Variants in NTRK3 observed in about 807,000 individuals in gnomAD.
NTRK3 encodes NT-3 growth factor receptor.
NTRK3 carries 24 observed loss-of-function variants against 91.7 expected under a neutral mutation model. That is an observed-to-expected ratio of 0.26 (90% CI 0.19 to 0.37). The LOEUF is 0.37. Among genes scored for constraint, NTRK3 ranks in the 10% least tolerant of loss-of-function variants. The probability of loss-of-function intolerance (pLI) is 1.00; values close to 1 mark genes in which losing one functional copy is unlikely to be tolerated. For synonymous variants in NTRK3, 483 were observed against 404.0 expected (o/e 1.20, Z -2.34); for missense variants, 880 against 1,068.9 (o/e 0.82, Z 2.46).
chr15:87,865,323 A>G, exon 19 of NTRK3: 1 of 210,502 alleles, frequency 4.8e-6, no homozygotes, highest in Non-Finnish European at 9.7e-6. Flanking sequence ...GTGGCTTGTC[A>G]TCACAAACAC....
chr15:87,937,455 G>T (rs1358592183), intron 15 of NTRK3, among the ~76,000 whole-genome samples: 1 of 152,086 alleles, frequency 6.6e-6, no homozygotes, highest in East Asian at 1.9e-4. Context: ...CCGAGATTCT[G>T]CACTCAGATT....
rs540360542 is a variant in NTRK3 at position 88,241,783 on chromosome 15, C to G, written c.248+14123G>C. 6.6e-5 allele frequency among the ~76,000 whole-genome samples: 10 copies of G among 152,282 alleles called. No homozygotes were observed. Among genetic ancestry groups the G allele is most frequent in the South Asian group, 6.2e-4 (3 of 4,822 alleles). ...ATCCACAGCCCTCTGACTTTTCTGC[C>G]GAGAACATGGCCCCGGGAATGGACG... is the stretch of plus-strand genomic sequence containing the variant. On this transcript the variant is annotated intron_variant, in intron 3 of 18. Transcript: ENST00000394480. The surrounding 1 kb of genome is among the most constrained non-coding windows in gnomAD (Gnocchi z 4.3).
chr15:88,255,703 G>A lies in NTRK3; in HGVS notation c.248+203C>T, dbSNP rs1450563699. 6.6e-6 allele frequency among the ~76,000 whole-genome samples: 1 copy of A among 152,170 alleles called. No individual in the cohort carries two copies. The highest frequency in any genetic ancestry group is 2.4e-5 in the African/African-American group (1 of 41,446). On this transcript the variant is annotated intron_variant, in intron 3 of 18. Transcript: ENST00000394480. The surrounding 1 kb of genome is among the most constrained non-coding windows in gnomAD (Gnocchi z 4.3). Reference sequence around the variant, plus strand: ...GGAGAGGCACACACACGCATAGCCGGATCGCGCCTCGCCAGGGCCGGAGTC... The same window carrying A: ...GGAGAGGCACACACACGCATAGCCGAATCGCGCCTCGCCAGGGCCGGAGTC...
At chr15:88,041,077 CAA>C (rs2079556962) in intron 13 of NTRK3, among the ~76,000 whole-genome samples, 1 of 152,202 alleles carries the variant, frequency 6.6e-6, no homozygotes, top group African/African-American at 2.4e-5. Flanking sequence ...TTTTCACAAA[CAA>C]AGAGTGCTTG....
chr15:88,094,377 G>A (rs532154291), intron 13 of NTRK3, among the ~76,000 whole-genome samples: 78 of 149,352 alleles, frequency 5.2e-4, no homozygotes, highest in African/African-American at 1.9e-3. Flanking sequence ...GCTGAGGCAG[G>A]AGAATGGCGT....
At chr15:88,148,691 T>C (rs2043103299) in intron 5 of NTRK3, among the ~76,000 whole-genome samples, 1 of 151,994 alleles carries the variant, frequency 6.6e-6, no homozygotes, top group Non-Finnish European at 1.5e-5. Flanking sequence ...TAAAGAGTGG[T>C]GGGAAGGCAC....
At chr15:87,887,796 T>G (rs1200365327) in intron 17 of NTRK3, among the ~76,000 whole-genome samples, 1 of 152,164 alleles carries the variant, frequency 6.6e-6, no homozygotes, top group South Asian at 2.1e-4. Context: ...TAATTAATAA[T>G]GAGTGCTGGC....
chr15:88,020,457 T>C (rs1259804340), intron 14 of NTRK3, among the ~76,000 whole-genome samples: 2 of 152,180 alleles, frequency 1.3e-5, no homozygotes, highest in South Asian at 2.1e-4. Context: ...GAGGGGATTC[T>C]TTTTTCAGAA....
chr15:88,193,863 C>T (rs916180673), intron 3 of NTRK3, among the ~76,000 whole-genome samples: 2 of 152,202 alleles, frequency 1.3e-5, no homozygotes, highest in African/African-American at 2.4e-5. Context: ...CCATGTCCTC[C>T]TCCAGCTACC....
Position 88,052,994 on chromosome 15 carries a change from G to T in NTRK3, c.1397-19949C>A, listed in dbSNP as rs186373262. 3.6e-4 allele frequency among the ~76,000 whole-genome samples: 55 copies of T among 152,248 alleles called. No individual in the cohort carries two copies. The East Asian group carries it at 9.7e-3, about 27-fold the overall frequency. On this transcript the variant is annotated intron_variant, in intron 13 of 18. Transcript: ENST00000394480. ...GCCTTGGTTTCCTATCTGGAAAACT[G>T]GGAAAATGAGCCTCCCCTCAACAGT...
At chr15:87,981,155 G>T in intron 14 of NTRK3, 7 of 1,550,256 alleles carry the variant, frequency 4.5e-6, no homozygotes, top group Non-Finnish European at 6.1e-6. Flanking sequence ...GAGTCTTAAG[G>T]TCTTAAGAAC....
chr15:87,889,019 G>A lies in NTRK3; in HGVS notation c.2134-8591C>T, dbSNP rs144849627. ...GAAAAACTTTCTTCTCTCTCCTCCTGTGCTCTTCCCAGCCTTCTCCCCCTG... is the reference window on the plus strand; with the variant it reads ...GAAAAACTTTCTTCTCTCTCCTCCTATGCTCTTCCCAGCCTTCTCCCCCTG... On this transcript the variant is annotated intron_variant, in intron 17 of 18. Transcript: ENST00000394480. Among the ~76,000 whole-genome samples, 186 of 152,208 alleles carry A rather than the reference G, an allele frequency of 1.2e-3. 1 individual carries two copies. Among genetic ancestry groups the A allele is most frequent in the African/African-American group, 4.4e-3 (182 of 41,532 alleles).
chr15:87,948,453 C>T, intron 14 of NTRK3, among the ~76,000 whole-genome samples: 1 of 152,216 alleles, frequency 6.6e-6, no homozygotes, highest in African/African-American at 2.4e-5. Flanking sequence ...TTTGGGAGGC[C>T]GAGGTGGGTG....
chr15:88,165,856 AGTGTGT>A (rs61276149), intron 5 of NTRK3, among the ~76,000 whole-genome samples: 1 of 150,480 alleles, frequency 6.6e-6, no homozygotes, highest in East Asian at 1.9e-4. Context: ...TGTTCACCTG[AGTGTGT>A]GTGTGTGTGT....
exon 19 of NTRK3, chr15:87,871,391 C>T (rs1264540049): frequency 3.9e-5 from 9 of 231,056 alleles, no homozygotes; most frequent in Non-Finnish European, 6.9e-5. Flanking sequence ...ACCACACCTA[C>T]TATGGTCAGC....
intron 3 of NTRK3, among the ~76,000 whole-genome samples, chr15:88,246,878 G>C (rs1217776695): frequency 6.6e-6 from 1 of 152,180 alleles, no homozygotes; most frequent in Non-Finnish European, 1.5e-5. Context: ...CCCTGGCTCA[G>C]GAAATGCTCT....
chr15:87,932,159 C>T (rs1197142687), intron 16 of NTRK3, among the ~76,000 whole-genome samples: 1 of 152,212 alleles, frequency 6.6e-6, no homozygotes, highest in African/African-American at 2.4e-5. Context: ...GAACTTCTGG[C>T]TGGCGTTCCA....
intron 13 of NTRK3, among the ~76,000 whole-genome samples, chr15:88,036,944 C>T (rs1596876465): frequency 6.6e-6 from 1 of 152,196 alleles, no homozygotes; most frequent in African/African-American, 2.4e-5. Flanking sequence ...TTTGAATCTG[C>T]TCACATAAAG....
At chr15:87,965,039 C>T (rs1369129640) in intron 14 of NTRK3, among the ~76,000 whole-genome samples, 1 of 152,082 alleles carries the variant, frequency 6.6e-6, no homozygotes, top group African/African-American at 2.4e-5. Context: ...TGCAAAAGAT[C>T]AGTTAAATTG....
Sources: allele counts gnomAD v4.1 joint callset (sites outside exome capture counted in the v4.1 genomes callset), GRCh38; gene constraint gnomAD v4.1.1; non-coding constraint Gnocchi (gnomAD v3.1); transcripts MANE v1.5; gene names NCBI Gene and HGNC (gene_info 2026-07-23, HGNC 2026-07-21).